The following SPSB4 variants were observed in gnomAD, a reference collection of about 807,000 sequenced individuals.
The protein encoded by SPSB4 is splA/ryanodine receptor domain and SOCS box containing 4.
In SPSB4, 21 loss-of-function variants were observed where a neutral mutation model predicts 20.9. The observed-to-expected ratio is 1.01, with a 90% CI of 0.71 to 1.45. The LOEUF is 1.45. SPSB4 is among the 40% of genes most tolerant of loss of function. SPSB4 has a pLI of 0.00. For missense variants in SPSB4, 399 were observed against 399.2 expected (o/e 1.00, Z 0.00); for synonymous variants, 207 against 183.8 (o/e 1.13, Z -1.02).
chr3:141,056,749 A>G (rs1937645487), intron 1 of SPSB4, among the ~76,000 whole-genome samples: 1 of 152,196 alleles, frequency 6.6e-6, no homozygotes, highest in Non-Finnish European at 1.5e-5. Flanking sequence ...GCTGGGCCTC[A>G]GGGAATCCAG....
chr3:141,119,632 A>G (rs558037548), intron 2 of SPSB4, among the ~76,000 whole-genome samples: 1 of 152,334 alleles, frequency 6.6e-6, no homozygotes, highest in African/African-American at 2.4e-5. Context: ...TGGGTTTGTC[A>G]TAAATAGCTC....
chr3:141,141,299 C>T (rs1206269053), intron 2 of SPSB4, among the ~76,000 whole-genome samples: 1 of 152,208 alleles, frequency 6.6e-6, no homozygotes, highest in Non-Finnish European at 1.5e-5. Flanking sequence ...GACGCCTCGC[C>T]CTGCTTTGGC....
At chr3:141,068,695 G>A (rs1177919176) in intron 2 of SPSB4, among the ~76,000 whole-genome samples, 1 of 152,194 alleles carries the variant, frequency 6.6e-6, no homozygotes, top group Non-Finnish European at 1.5e-5. Flanking sequence ...TGGTAGCTGA[G>A]ATTTAAGGCC....
chr3:141,084,363 C>T (rs532605692), intron 2 of SPSB4, among the ~76,000 whole-genome samples: 21 of 152,236 alleles, frequency 1.4e-4, no homozygotes, highest in African/African-American at 4.3e-4. Context: ...ACCCTCATGC[C>T]GCCTGGGTGG....
At position 141,144,349 on chromosome 3, in the gene SPSB4, G is replaced by A. The variant is rs116008928; in HGVS notation, c.695-2793G>A. ...CCTTTATGAACAATGATTCTTTTTC[G>A]GTTTTATCTTTAGTCAAAAAATAGT... On this transcript the variant is annotated intron_variant, in intron 2 of 2. Transcript: ENST00000310546. Among the ~76,000 whole-genome samples the A allele has an allele frequency of 5.9e-3, 895 of 152,166 alleles. 9 individuals are homozygous for A. Among genetic ancestry groups the A allele is most frequent in the African/African-American group, 0.02 (844 of 41,522 alleles).
intron 2 of SPSB4, among the ~76,000 whole-genome samples, chr3:141,079,685 A>C (rs1361245182): frequency 2.6e-5 from 4 of 152,234 alleles, no homozygotes; most frequent in Non-Finnish European, 5.9e-5. Flanking sequence ...AAACAGAGTA[A>C]ACCAAGAATA....
intron 2 of SPSB4, among the ~76,000 whole-genome samples, chr3:141,134,021 T>C (rs1381080094): frequency 8.3e-6 from 1 of 121,124 alleles, no homozygotes; most frequent in Non-Finnish European, 1.6e-5. Flanking sequence ...ATTTTTCCTT[T>C]TTTTTTTTCT....
At chr3:141,115,094 C>T (rs901464157) in intron 2 of SPSB4, 1 of 152,242 alleles carries the variant, frequency 6.6e-6, no homozygotes, top group African/African-American at 2.4e-5. Flanking sequence ...GCAAAGTGAA[C>T]TTCCCAATCT....
chr3:141,068,395 T>G (rs1330738830), intron 2 of SPSB4, among the ~76,000 whole-genome samples: 1 of 152,174 alleles, frequency 6.6e-6, no homozygotes, highest in Non-Finnish European at 1.5e-5. Context: ...TTCTGAGACA[T>G]AGTGACCAGG....
intron 2 of SPSB4, among the ~76,000 whole-genome samples, chr3:141,098,331 T>G (rs1027593363): frequency 6.6e-6 from 1 of 152,252 alleles, no homozygotes; most frequent in Non-Finnish European, 1.5e-5. Flanking sequence ...CTGTTGGTAT[T>G]TTGATTGAGA....
chr3:141,070,094 A>T (rs749101232), intron 2 of SPSB4, among the ~76,000 whole-genome samples: 1 of 152,152 alleles, frequency 6.6e-6, no homozygotes, highest in Non-Finnish European at 1.5e-5. Context: ...CTCAAAGCTA[A>T]CTACAAAGAG....
Position 141,146,941 on chromosome 3 carries a change from C to T in SPSB4, c.695-201C>T, listed in dbSNP as rs375307308. Among the ~76,000 whole-genome samples the T allele has an allele frequency of 4.6e-5, 7 of 152,260 alleles. No individual in the cohort carries two copies. The East Asian group carries it at 1.4e-3, about 29-fold the overall frequency. ...AATTGATTTTGTGACTCTTTAGTCTCACTGGTTGCATTCCACAGTCTAATG... is the reference window on the plus strand; with the variant it reads ...AATTGATTTTGTGACTCTTTAGTCTTACTGGTTGCATTCCACAGTCTAATG... On this transcript the variant is annotated intron_variant, in intron 2 of 2. Transcript: ENST00000310546.
intron 2 of SPSB4, among the ~76,000 whole-genome samples, chr3:141,098,258 G>A (rs1358877574): frequency 2.0e-5 from 3 of 152,024 alleles, no homozygotes; most frequent in East Asian, 1.9e-4. Context: ...TTTCTGTTTC[G>A]TCTTTTGTGT....
chr3:141,106,582 T>G (rs1938692560), intron 2 of SPSB4, among the ~76,000 whole-genome samples: 1 of 152,254 alleles, frequency 6.6e-6, no homozygotes, highest in Non-Finnish European at 1.5e-5. Context: ...GTTAGTTGTA[T>G]TCTTTTATAA....
At chr3:141,087,634 C>T (rs1309570917) in intron 2 of SPSB4, among the ~76,000 whole-genome samples, 1 of 152,186 alleles carries the variant, frequency 6.6e-6, no homozygotes, top group Admixed American at 6.5e-5. Flanking sequence ...GAGCAAACAG[C>T]CTCGGAAGGT....
intron 2 of SPSB4, among the ~76,000 whole-genome samples, chr3:141,082,002 C>T (rs1031423392): frequency 6.6e-6 from 1 of 152,188 alleles, no homozygotes; most frequent in Non-Finnish European, 1.5e-5. Context: ...CATGTCCCTC[C>T]TGTATCCCCA....
At chr3:141,064,294 G>C (rs990911721) in intron 1 of SPSB4, among the ~76,000 whole-genome samples, 1 of 152,186 alleles carries the variant, frequency 6.6e-6, no homozygotes, top group Non-Finnish European at 1.5e-5. Flanking sequence ...ATGTGTTCTA[G>C]TTTGCTGAAG....
intron 2 of SPSB4, among the ~76,000 whole-genome samples, chr3:141,083,129 A>G (rs987135395): frequency 1.3e-5 from 2 of 151,904 alleles, no homozygotes; most frequent in Non-Finnish European, 2.9e-5. Context: ...GCTTCCTTAG[A>G]TTTGGGTTTA....
Position 141,147,597 on chromosome 3 carries a change from C to G in SPSB4, c.*328C>G. 3.9e-6 allele frequency: 1 copy of G among 253,224 alleles called. No homozygotes were observed. Among genetic ancestry groups the G allele is most frequent in the Non-Finnish European group, 7.7e-6 (1 of 130,080 alleles). The allele number at this position is 253,224 out of a possible 1,614,324, so 15.7% of individuals were successfully genotyped here. ...TGATCAGAGAGCCTGTTTCCTTATT[C>G]AAGAGAATGAATAAAACATTTAGGC... On this transcript the variant is annotated 3_prime_UTR_variant, in exon 3 of 3. Transcript: ENST00000310546.
Sources: gnomAD v4.1 joint callset for allele counts (sites outside exome capture counted in the v4.1 genomes callset) on GRCh38, gnomAD v4.1.1 for gene constraint, MANE v1.5 for transcripts, NCBI Gene and HGNC (gene_info 2026-07-23, HGNC 2026-07-21) for gene names.